The following SPTA1 variants were observed in gnomAD, a reference collection of about 807,000 sequenced individuals.
SPTA1 encodes spectrin alpha, erythrocytic 1, also known as spectrin alpha chain, erythrocytic 1.
SPTA1 carries 177 observed loss-of-function variants against 324.7 expected under a neutral mutation model. The ratio of observed to expected loss-of-function variants is 0.55; its 90% confidence interval spans 0.48 to 0.62. The LOEUF (loss-of-function observed/expected upper bound fraction) is 0.62. Among genes scored for constraint, SPTA1 ranks in the 20% least tolerant of loss-of-function variants. The probability of loss-of-function intolerance (pLI) is 0.00; values close to 1 mark genes in which losing one functional copy is unlikely to be tolerated. For missense variants in SPTA1, 3,162 were observed against 2,883.6 expected (o/e 1.10, Z -2.21); for synonymous variants, 1,195 against 1,041.3 (o/e 1.15, Z -2.84).
chr1:158,653,048 C>T (rs910231244), intron 22 of SPTA1, among the ~76,000 whole-genome samples: 3 of 152,116 alleles, frequency 2.0e-5, no homozygotes, highest in African/African-American at 7.2e-5. Flanking sequence ...CAGAAGAGCT[C>T]TGTGAAGTGT....
chr1:158,633,001 G>A (rs1016513779), intron 39 of SPTA1, among the ~76,000 whole-genome samples: 27 of 152,170 alleles, frequency 1.8e-4, no homozygotes, highest in Non-Finnish European at 5.9e-5. Context: ...AAGAAGGGAT[G>A]AACTATTGTT....
At chr1:158,655,418 T>G (rs1238257182) in intron 20 of SPTA1, among the ~76,000 whole-genome samples, 1 of 152,098 alleles carries the variant, frequency 6.6e-6, no homozygotes, top group African/African-American at 2.4e-5. Context: ...TAACCCCTCT[T>G]CCTAAGGAAT....
chr1:158,657,021 G>T (rs1382071298), intron 19 of SPTA1, among the ~76,000 whole-genome samples: 1 of 152,168 alleles, frequency 6.6e-6, no homozygotes. Flanking sequence ...TACTATACCA[G>T]CTTCCTATGG....
rs867305086 is a variant in SPTA1, at chr1:158,642,968, G to A, written c.4451C>T (p.Ala1484Val). ...CTCATCAATCAGTTGTGCTTTGAGAGCCTTCCACCTAGAGGACGGAGCCAA... is the reference window on the plus strand; with the variant it reads ...CTCATCAATCAGTTGTGCTTTGAGAACCTTCCACCTAGAGGACGGAGCCAA... ...RLQRVLDRWK[A>V]LKAQLIDERT... The change falls in exon 32 of 52, where the codon GCT (alanine) becomes GTT (valine). Residue 1484 changes from alanine to valine, a missense_variant. Coordinates refer to ENST00000643759, the MANE Select transcript of SPTA1 (RefSeq NM_003126.4). 6.2e-7 allele frequency: 1 copy of A among 1,613,536 alleles called. No homozygotes were observed.
intron 27 of SPTA1, among the ~76,000 whole-genome samples, chr1:158,645,881 C>A (rs562588568): frequency 6.6e-6 from 1 of 152,112 alleles, no homozygotes; most frequent in African/African-American, 2.4e-5. Flanking sequence ...AAAGAAGTCA[C>A]CTTAGAAAAG....
chr1:158,622,341 C>T (rs1434947408), intron 43 of SPTA1, among the ~76,000 whole-genome samples: 2 of 151,538 alleles, frequency 1.3e-5, no homozygotes, highest in Admixed American at 1.3e-4. Flanking sequence ...TATTAATGTA[C>T]ATATATTTAG....
chr1:158,682,975 G>A (rs1198937776), intron 3 of SPTA1, among the ~76,000 whole-genome samples: 8 of 152,172 alleles, frequency 5.3e-5, no homozygotes, highest in Admixed American at 2.6e-4. Flanking sequence ...AAATATTTTG[G>A]AAAACATTCA....
chr1:158,618,020 G>T lies in SPTA1; in HGVS notation c.6548+19C>A, dbSNP rs886650560. ...AATAATATAATAAAGCAAACATGAT[G>T]ATAACATAAAATACTGACCCATCCA... On this transcript the variant is annotated intron_variant, in intron 46 of 51. Transcript: ENST00000643759. The T allele has an allele frequency of 2.4e-5, 39 of 1,607,814 alleles. No individual in the cohort carries two copies. In the Admixed American group the frequency reaches 6.3e-4, roughly 26 times the overall value.
chr1:158,664,478 T>C (rs1653453507), intron 16 of SPTA1, among the ~76,000 whole-genome samples: 1 of 152,104 alleles, frequency 6.6e-6, no homozygotes, highest in South Asian at 2.1e-4. Flanking sequence ...AGTTGAACAA[T>C]GACAACACAT....
chr1:158,642,493 G>T lies in SPTA1; in HGVS notation c.4655C>A (p.Ser1552Tyr). ...QTFAHEVDGR[S>Y]EQVHGVINLG... ...GTTGATGACGCCATGCACCTGCTCA[G>T]ATCGGCCATCGACTTCATGTGCAAA... is the stretch of plus-strand genomic sequence containing the variant. The change falls in exon 33 of 52, where the codon TCT (serine) becomes TAT (tyrosine). Residue 1552 changes from serine (S) to tyrosine (Y), a missense_variant. Ser to Tyr is a moderately radical substitution (Grantham distance 144). Coordinates refer to ENST00000643759, the MANE Select transcript of SPTA1 (RefSeq NM_003126.4). 2 of 1,613,680 alleles carry T rather than the reference G, an allele frequency of 1.2e-6. No individual in the cohort carries two copies. The highest frequency in any genetic ancestry group is 8.5e-7 in the Non-Finnish European group (1 of 1,179,738).
At chr1:158,624,203 A>G (rs1188607330) in intron 42 of SPTA1, among the ~76,000 whole-genome samples, 1 of 152,142 alleles carries the variant, frequency 6.6e-6, no homozygotes, top group Non-Finnish European at 1.5e-5. Context: ...TGGGATTGGA[A>G]CACCCGCCCC....
At chr1:158,671,030 T>A (rs1291191910) in intron 12 of SPTA1, among the ~76,000 whole-genome samples, 1 of 152,032 alleles carries the variant, frequency 6.6e-6, no homozygotes, top group Admixed American at 6.5e-5. Context: ...TTTCCAGATA[T>A]GCTTTGTAGA....
intron 6 of SPTA1, 59 bp from the exon 7 acceptor site, chr1:158,677,893 G>A: frequency 6.2e-7 from 1 of 1,607,802 alleles, no homozygotes; most frequent in Non-Finnish European, 8.5e-7. Context: ...AGGGCAAACG[G>A]TCCAACAGAA....
chr1:158,652,324 G>A, intron 23 of SPTA1, 143 bp downstream of exon 23: 1 of 911,158 alleles, frequency 1.1e-6, no homozygotes, highest in Non-Finnish European at 1.7e-6. Context: ...ACAATACCTA[G>A]AGGGAGATCT....
chr1:158,620,963 G>T (rs1191385321), intron 43 of SPTA1, among the ~76,000 whole-genome samples: 1 of 151,576 alleles, frequency 6.6e-6, no homozygotes, highest in Non-Finnish European at 1.5e-5. Context: ...ACCACACCCA[G>T]CTGACTTCTC....
Position 158,679,623 on chromosome 1 carries a change from T to G in SPTA1, c.678+960A>C, listed in dbSNP as rs142810015. On this transcript the variant is annotated intron_variant, in intron 5 of 51. Transcript: ENST00000643759. ...CCCTAGACATGGGATTGAGGCCACC[T>G]TAGATCCTTCACCCCAGCTGAGCCA... 5.2e-3 allele frequency among the ~76,000 whole-genome samples: 791 copies of G among 152,170 alleles called. 9 individuals carry two copies. Among genetic ancestry groups the G allele is most frequent in the African/African-American group, 0.018 (764 of 41,522 alleles).
At chr1:158,641,164 T>C (rs1336366104) in intron 33 of SPTA1, among the ~76,000 whole-genome samples, 1 of 152,238 alleles carries the variant, frequency 6.6e-6, no homozygotes, top group Non-Finnish European at 1.5e-5. Flanking sequence ...TAATTCAAGA[T>C]GGATTAAAGA....
chr1:158,678,542 A>G lies in SPTA1; in HGVS notation c.679-8T>C. 3 of 1,613,202 alleles carry G rather than the reference A, an allele frequency of 1.9e-6. No individual in the cohort carries two copies. The highest frequency in any genetic ancestry group is 2.5e-6 in the Non-Finnish European group (3 of 1,179,532). Reference sequence around the variant, plus strand: ...TAGGTCAGGATGGTTTTCCTGTTGAAGGAAAACAACACTGGAGTTATACAG... The same window carrying G: ...TAGGTCAGGATGGTTTTCCTGTTGAGGGAAAACAACACTGGAGTTATACAG... On this transcript the variant is annotated splice_polypyrimidine_tract_variant and splice_region_variant and intron_variant, in intron 5 of 51. Coordinates refer to ENST00000643759, the MANE Select transcript of SPTA1 (RefSeq NM_003126.4).
At chr1:158,647,411 C>T (rs865935785) in intron 27 of SPTA1, 128 bp downstream of exon 27, 7 of 1,164,776 alleles carry the variant, frequency 6.0e-6, no homozygotes, top group Non-Finnish European at 8.8e-6. Flanking sequence ...ATTTTTTATG[C>T]CTTGCAAGAG....
Sources: allele counts gnomAD v4.1 joint callset (sites outside exome capture counted in the v4.1 genomes callset), GRCh38; gene constraint gnomAD v4.1.1; transcripts MANE v1.5; gene names NCBI Gene and HGNC (gene_info 2026-07-23, HGNC 2026-07-21).